The following BABAM2 variants were observed in gnomAD, a reference collection of about 807,000 sequenced individuals.
The protein encoded by BABAM2 is BRISC and BRCA1 A complex member 2, also known as BRISC and BRCA1-A complex member 2.
A neutral mutation model predicts 54.7 loss-of-function variants in BABAM2; 31 were observed. That is an observed-to-expected ratio of 0.57 (90% CI 0.43 to 0.77). BABAM2 has a LOEUF of 0.77. Ranked by LOEUF, BABAM2 falls within the 30% of genes least tolerant of loss-of-function variation. The probability of loss-of-function intolerance (pLI) is 0.00; values close to 1 mark genes in which losing one functional copy is unlikely to be tolerated. For missense variants in BABAM2, 364 were observed against 455.8 expected (o/e 0.80, Z 1.83); for synonymous variants, 167 against 162.9 (o/e 1.03, Z -0.19).
intron 3 of BABAM2, among the ~76,000 whole-genome samples, chr2:27,934,358 C>T (rs1668336820): frequency 6.6e-6 from 1 of 152,118 alleles, no homozygotes; most frequent in Admixed American, 6.6e-5. Flanking sequence ...AACATACATA[C>T]CCATATAAGA....
chr2:27,896,027 G>A (rs1665283950), intron 2 of BABAM2: 2 of 151,942 alleles, frequency 1.3e-5, no homozygotes, highest in Admixed American at 1.3e-4. Flanking sequence ...CATCATTTTT[G>A]AGTCCTTTCT....
intron 3 of BABAM2, among the ~76,000 whole-genome samples, chr2:27,971,401 A>G (rs1366992034): frequency 6.6e-6 from 1 of 152,088 alleles, no homozygotes; most frequent in Non-Finnish European, 1.5e-5. Context: ...CTTTTTCTTA[A>G]GCTTGTTCAA....
At chr2:27,996,778 A>G (rs981970121) in intron 4 of BABAM2, among the ~76,000 whole-genome samples, 2 of 152,164 alleles carry the variant, frequency 1.3e-5, no homozygotes, top group African/African-American at 2.4e-5. Context: ...GGGTAGGAGC[A>G]GCTGCAGACA....
intron 2 of BABAM2, among the ~76,000 whole-genome samples, chr2:27,898,339 C>G (rs181473979): frequency 6.6e-6 from 1 of 152,120 alleles, no homozygotes; most frequent in Non-Finnish European, 1.5e-5. Flanking sequence ...GGAACAAACA[C>G]ATTAAGGATT....
chr2:27,890,383 T>A, upstream of BABAM2: 5 of 1,587,532 alleles, frequency 3.1e-6, no homozygotes, highest in Non-Finnish European at 4.3e-6. The surrounding 1 kb of genome is among the most constrained non-coding windows in gnomAD (Gnocchi z 4.8). Flanking sequence ...GACGGTGACC[T>A]CTGCCCTTTG....
At chr2:28,015,666 T>C in intron 4 of BABAM2, 2 of 765,922 alleles carry the variant, frequency 2.6e-6, no homozygotes, top group South Asian at 4.5e-5. Flanking sequence ...TGCATTTTAG[T>C]AAATATGTTA....
chr2:28,287,236 A>G (rs1195090580), intron 10 of BABAM2, among the ~76,000 whole-genome samples: 2 of 152,226 alleles, frequency 1.3e-5, no homozygotes, highest in Non-Finnish European at 2.9e-5. Flanking sequence ...GCATTTGAAT[A>G]TATTGTAATT....
At chr2:27,889,033 A>C (rs1362652061), upstream of BABAM2, among the ~76,000 whole-genome samples, 1 of 152,226 alleles carries the variant, frequency 6.6e-6, no homozygotes, top group African/African-American at 2.4e-5. Context: ...GGTATTTAAA[A>C]TTCTTTTGTT....
rs549556553 is a variant in BABAM2 at position 27,987,305 on chromosome 2, A to G, written c.206-688A>G. Among the ~76,000 whole-genome samples the G allele has an allele frequency of 8.5e-5, 13 of 152,300 alleles. No individual in the cohort carries two copies. The South Asian group carries it at 2.3e-3, about 27-fold the overall frequency. On this transcript the variant is annotated intron_variant, in intron 3 of 11. Coordinates refer to ENST00000379624, the MANE Select transcript of BABAM2 (RefSeq NM_199191.3). ...CATTATACAAAAGTATGTATGTTTA[A>G]TTTCTGCAAGGCAAAGACTGTGTCT...
intron 10 of BABAM2, among the ~76,000 whole-genome samples, chr2:28,283,570 T>C (rs1167423262): frequency 6.6e-6 from 1 of 152,212 alleles, no homozygotes; most frequent in Admixed American, 6.5e-5. Flanking sequence ...GTTAGTTTGT[T>C]TCAAGTCCCT....
rs540806805 is a variant in BABAM2, at chr2:28,309,938, C to G, written c.1088+11447C>G. 5.0e-6 allele frequency: 4 copies of G among 799,076 alleles called. No homozygotes were observed. The African/African-American group carries it at 6.9e-5, about 14-fold the overall frequency. The allele number at this position is 799,076 out of a possible 1,614,324, so 49.5% of individuals were successfully genotyped here. On this transcript the variant is annotated intron_variant, in intron 11 of 11. Transcript: ENST00000379624. Reference sequence around the variant, plus strand: ...TCCATTCCGCACGAGCAAGCTCACCCGTCCCTCCTGGGCCTTTTCCTTATG... The same window carrying G: ...TCCATTCCGCACGAGCAAGCTCACCGGTCCCTCCTGGGCCTTTTCCTTATG...
At chr2:28,098,453 G>A (rs1039585340) in intron 6 of BABAM2, among the ~76,000 whole-genome samples, 2 of 152,124 alleles carry the variant, frequency 1.3e-5, no homozygotes, top group Non-Finnish European at 2.9e-5. Context: ...ATTGAGTTCT[G>A]TAATCATATA....
At chr2:28,035,712 A>G (rs1170142994) in intron 5 of BABAM2, among the ~76,000 whole-genome samples, 2 of 152,188 alleles carry the variant, frequency 1.3e-5, no homozygotes, top group South Asian at 2.1e-4. Flanking sequence ...TTGCATGTCA[A>G]TGGAAATACT....
intron 6 of BABAM2, among the ~76,000 whole-genome samples, chr2:28,089,144 T>A (rs1665938764): frequency 6.6e-6 from 1 of 152,168 alleles, no homozygotes; most frequent in African/African-American, 2.4e-5. Context: ...TGTCTGTGAT[T>A]CAGTGAGGAA....
At position 28,170,277 on chromosome 2, in the gene BABAM2, T is replaced by C. The variant is rs1174994009; in HGVS notation, c.680+40897T>C. Among the ~76,000 whole-genome samples the C allele has an allele frequency of 2.0e-5, 3 of 152,230 alleles. No homozygotes were observed. In the East Asian group the frequency reaches 5.8e-4, roughly 29 times the overall value. On this transcript the variant is annotated intron_variant, in intron 7 of 11. Coordinates refer to ENST00000379624, the MANE Select transcript of BABAM2 (RefSeq NM_199191.3). ...CTGGAAATTAAAAAGGAAATCTGTA[T>C]ATCAAAATTAATAGTGGTTTTCTCT...
At chr2:28,101,024 G>C (rs1295249702) in intron 6 of BABAM2, among the ~76,000 whole-genome samples, 1 of 152,204 alleles carries the variant, frequency 6.6e-6, no homozygotes, top group African/African-American at 2.4e-5. Context: ...AGATAGCAGG[G>C]AACAGGTGGG....
intron 7 of BABAM2, among the ~76,000 whole-genome samples, chr2:28,208,015 G>A (rs1428990285): frequency 6.8e-6 from 1 of 147,764 alleles, no homozygotes; most frequent in Non-Finnish European, 1.5e-5. Flanking sequence ...TGTGAGGGAG[G>A]AGGGTGTTAA....
intron 2 of BABAM2, among the ~76,000 whole-genome samples, chr2:27,923,776 G>T (rs1174063476): frequency 6.6e-6 from 1 of 152,164 alleles, no homozygotes; most frequent in Non-Finnish European, 1.5e-5. Flanking sequence ...TTTGAGACCA[G>T]CCTGGGCAAC....
At chr2:28,151,489 T>C (rs531968044) in intron 7 of BABAM2, among the ~76,000 whole-genome samples, 1 of 152,140 alleles carries the variant, frequency 6.6e-6, no homozygotes, top group East Asian at 1.9e-4. Flanking sequence ...AAGAATCGCT[T>C]GAAACCCACC....
Sources: gnomAD v4.1 joint callset for allele counts (sites outside exome capture counted in the v4.1 genomes callset) on GRCh38, gnomAD v4.1.1 for gene constraint, Gnocchi (gnomAD v3.1) non-coding constraint, MANE v1.5 for transcripts, NCBI Gene and HGNC (gene_info 2026-07-23, HGNC 2026-07-21) for gene names.